ANO2: variants seen among roughly 807,000 people sequenced by gnomAD.
ANO2 encodes the protein anoctamin-2.
A neutral mutation model predicts 124.2 loss-of-function variants in ANO2; 101 were observed. The ratio of observed to expected loss-of-function variants is 0.81; its 90% confidence interval spans 0.69 to 0.96. The LOEUF (loss-of-function observed/expected upper bound fraction) is 0.96, where lower values mean the gene tolerates loss of function less well. Among genes scored for constraint, ANO2 ranks in the 40% least tolerant of loss-of-function variants. The pLI is 0.00. For synonymous variants in ANO2, 486 were observed against 482.5 expected, an observed-to-expected ratio of 1.01 and a Z score of -0.09; for missense variants, 1,293 against 1,274.5, an observed-to-expected ratio of 1.01 and a Z score of -0.22.
chr12:5,751,566 A>G (rs1204844932), intron 10 of ANO2, among the ~76,000 whole-genome samples: 1 of 152,188 alleles, frequency 6.6e-6, no homozygotes, highest in Non-Finnish European at 1.5e-5. Flanking sequence ...TTGGCATACA[A>G]AGAGCTGTAC....
chr12:5,902,225 A>T (rs889716898), intron 3 of ANO2, among the ~76,000 whole-genome samples: 48 of 152,254 alleles, frequency 3.2e-4, no homozygotes, highest in Non-Finnish European at 6.0e-4. Flanking sequence ...TCACTTTTTT[A>T]AAAAACTCAC....
chr12:5,688,709 C>T (rs1948803100), intron 14 of ANO2, among the ~76,000 whole-genome samples: 1 of 152,088 alleles, frequency 6.6e-6, no homozygotes, highest in African/African-American at 2.4e-5. Flanking sequence ...TGTAATAGGG[C>T]CTGGGCAGCA....
intron 3 of ANO2, among the ~76,000 whole-genome samples, chr12:5,918,424 G>C (rs977247122): frequency 7.4e-5 from 11 of 149,232 alleles, no homozygotes; most frequent in African/African-American, 2.5e-4. Flanking sequence ...TTTGAGGAAA[G>C]CATTAACTTG....
chr12:5,856,220 AGAG>A (rs1484791017), intron 3 of ANO2: 5 of 152,236 alleles, frequency 3.3e-5, no homozygotes, highest in African/African-American at 1.2e-4. Context: ...CCTCTCGCTA[AGAG>A]GAGATCACAA....
intron 19 of ANO2, among the ~76,000 whole-genome samples, chr12:5,606,943 G>A (rs897868143): frequency 2.0e-5 from 3 of 151,738 alleles, no homozygotes; most frequent in Non-Finnish European, 1.5e-5. Flanking sequence ...ATTGCTTTTA[G>A]AAGTAAAGAA....
At chr12:5,605,114 A>G (rs1591715855) in intron 19 of ANO2, among the ~76,000 whole-genome samples, 1 of 152,124 alleles carries the variant, frequency 6.6e-6, no homozygotes, top group Non-Finnish European at 1.5e-5. Context: ...ACAGATCTTT[A>G]GCCTCATTAA....
chr12:5,702,624 G>A (rs148733588), intron 14 of ANO2, among the ~76,000 whole-genome samples: 1,693 of 150,868 alleles, frequency 0.011, 28 homozygotes, highest in Admixed American at 0.04. Context: ...GATCTCTTCC[G>A]CACTCTATAC....
intron 14 of ANO2, among the ~76,000 whole-genome samples, chr12:5,666,657 C>T (rs1228475458): frequency 6.6e-6 from 1 of 151,648 alleles, no homozygotes; most frequent in Non-Finnish European, 1.5e-5. Context: ...CCCCTTTTTT[C>T]CCCCTGATCT....
chr12:5,588,555 C>A (rs760147218), intron 20 of ANO2, among the ~76,000 whole-genome samples: 1 of 152,212 alleles, frequency 6.6e-6, no homozygotes, highest in Non-Finnish European at 1.5e-5. Context: ...ATCATGTCAT[C>A]ACTGGAAGGC....
chr12:5,598,957 A>G (rs1943796774), intron 20 of ANO2, among the ~76,000 whole-genome samples: 2 of 72,536 alleles, frequency 2.8e-5, no homozygotes, highest in Non-Finnish European at 6.4e-5. Context: ...TCCCTACCGA[A>G]ATAGACCCAA....
At chr12:5,734,782 G>C (rs753058413) in intron 13 of ANO2, among the ~76,000 whole-genome samples, 9 of 151,920 alleles carry the variant, frequency 5.9e-5, no homozygotes, top group Non-Finnish European at 1.3e-4. Flanking sequence ...GGAGTAGCTG[G>C]GACTGCAGGC....
At chr12:5,593,774 A>T (rs1339818169) in intron 20 of ANO2, among the ~76,000 whole-genome samples, 1 of 152,146 alleles carries the variant, frequency 6.6e-6, no homozygotes, top group African/African-American at 2.4e-5. Flanking sequence ...CAGATGGGAG[A>T]ATTGGACCTG....
chr12:5,827,681 T>C (rs1338659742), intron 7 of ANO2, 88 bp downstream of exon 7: 3 of 1,450,076 alleles, frequency 2.1e-6, no homozygotes, highest in Non-Finnish European at 2.8e-6. Context: ...TTTTGTTCTT[T>C]GCTGCCGACC....
chr12:5,888,356 C>G (rs1266055493), intron 3 of ANO2, among the ~76,000 whole-genome samples: 1 of 152,098 alleles, frequency 6.6e-6, no homozygotes, highest in Admixed American at 6.5e-5. Flanking sequence ...AGATTTATTG[C>G]AAAAAGCGAA....
intron 8 of ANO2, 54 bp downstream of exon 8, chr12:5,807,258 TG>T: frequency 6.8e-7 from 1 of 1,475,088 alleles, no homozygotes; most frequent in Non-Finnish European, 9.2e-7. Context: ...TGAAAAGTTG[TG>T]GTTTTCAAAG....
chr12:5,832,477 G>A lies in ANO2; in HGVS notation c.760C>T (p.Pro254Ser), dbSNP rs753346613. The A allele has an allele frequency of 6.2e-7, 1 of 1,613,962 alleles. No individual in the cohort carries two copies. Among genetic ancestry groups the A allele is most frequent in the South Asian group, 1.1e-5 (1 of 91,074 alleles). ...SNNKMKNLSY[P>S]FSREKMYLYN... ...AGGTACATCTTCTCCCTGGAGAATG[G>A]GTAGGAGAGGTTTTTCATCTTGTTG... The change falls in exon 5 of 25, where the codon CCA becomes TCA. Residue 254 changes from proline to serine, a missense_variant. Physicochemically the swap from Pro to Ser is moderately conservative, Grantham distance 74. Transcript: ENST00000682330.
At chr12:5,594,557 C>T (rs1456172728) in intron 20 of ANO2, among the ~76,000 whole-genome samples, 2 of 152,126 alleles carry the variant, frequency 1.3e-5, no homozygotes, top group Admixed American at 6.5e-5. Flanking sequence ...TACTCGTGGC[C>T]GGGTGTGGTG....
chr12:5,864,135 C>A (rs1201490572), intron 3 of ANO2, among the ~76,000 whole-genome samples: 1 of 151,990 alleles, frequency 6.6e-6, no homozygotes, highest in Admixed American at 6.6e-5. Context: ...TTCTTGGATC[C>A]CACATAAAAA....
chr12:5,913,909 C>T (rs549481635), intron 3 of ANO2, among the ~76,000 whole-genome samples: 9 of 152,268 alleles, frequency 5.9e-5, no homozygotes, highest in East Asian at 3.9e-4. Flanking sequence ...AGTGGGATGG[C>T]GACAGAGCCT....
Sources: gnomAD v4.1 joint callset for allele counts (sites outside exome capture counted in the v4.1 genomes callset) on GRCh38, gnomAD v4.1.1 for gene constraint, MANE v1.5 for transcripts, NCBI Gene and HGNC (gene_info 2026-07-23, HGNC 2026-07-21) for gene names.